Variants in RABGAP1L observed in about 807,000 individuals in gnomAD.
RABGAP1L encodes the protein RAB GTPase activating protein 1 like.
RABGAP1L carries 63 observed loss-of-function variants against 137.7 expected under a neutral mutation model. The ratio of observed to expected loss-of-function variants is 0.46; its 90% CI spans 0.37 to 0.56. The LOEUF (loss-of-function observed/expected upper bound fraction) is 0.56, where lower values mean the gene tolerates loss of function less well. Among genes scored for constraint, RABGAP1L ranks in the 20% least tolerant of loss-of-function variants. The pLI is 0.00. For missense variants in RABGAP1L, 1,095 were observed against 1,244.0 expected, an observed-to-expected ratio of 0.88 and a Z score of 1.80; for synonymous variants, 431 against 433.7, an observed-to-expected ratio of 0.99 and a Z score of 0.08.
At chr1:174,550,514 G>A (rs1019343296) in intron 13 of RABGAP1L, among the ~76,000 whole-genome samples, 2 of 152,064 alleles carry the variant, frequency 1.3e-5, no homozygotes, top group East Asian at 3.9e-4. Flanking sequence ...GACTACTCTT[G>A]TATGTTCTGC....
At chr1:174,386,373 C>G (rs1330035385) in intron 12 of RABGAP1L, among the ~76,000 whole-genome samples, 3 of 152,126 alleles carry the variant, frequency 2.0e-5, no homozygotes, top group Admixed American at 1.3e-4. Flanking sequence ...GTAACTTGCT[C>G]AAGATCTCAC....
intron 13 of RABGAP1L, among the ~76,000 whole-genome samples, chr1:174,557,215 G>T (rs993328178): frequency 1.8e-4 from 27 of 152,294 alleles, no homozygotes; most frequent in African/African-American, 6.0e-4. Flanking sequence ...GATTCCCCAT[G>T]AACTCTTCAG....
intron 19 of RABGAP1L, among the ~76,000 whole-genome samples, chr1:174,895,556 T>C (rs112239885): frequency 4.4e-4 from 67 of 152,278 alleles, no homozygotes; most frequent in African/African-American, 1.5e-3. Flanking sequence ...ACTTGTCGTT[T>C]ACATTAGGTA....
chr1:174,242,215 G>C (rs755265055), intron 5 of RABGAP1L, among the ~76,000 whole-genome samples: 1 of 152,146 alleles, frequency 6.6e-6, no homozygotes, highest in Non-Finnish European at 1.5e-5. Context: ...ACAACTTGTA[G>C]TCCTTTGAAA....
chr1:174,737,479 G>A (rs1428408791), intron 17 of RABGAP1L, among the ~76,000 whole-genome samples: 1 of 152,074 alleles, frequency 6.6e-6, no homozygotes, highest in Non-Finnish European at 1.5e-5. Flanking sequence ...CAGCATTGTG[G>A]CCACAATCAC....
At chr1:174,701,714 G>T (rs1372633843) in intron 16 of RABGAP1L, among the ~76,000 whole-genome samples, 2 of 147,318 alleles carry the variant, frequency 1.4e-5, no homozygotes, top group Non-Finnish European at 3.0e-5. Context: ...CTGTACTCCA[G>T]CCTGGATGAC....
At chr1:174,765,087 G>T (rs768325750) in intron 18 of RABGAP1L, among the ~76,000 whole-genome samples, 2 of 152,150 alleles carry the variant, frequency 1.3e-5, no homozygotes, top group African/African-American at 4.8e-5. Context: ...GGCTGCAACC[G>T]TAGGGCAGGA....
Position 174,978,979 on chromosome 1 carries a change from G to A in RABGAP1L, c.2733+89G>A, listed in dbSNP as rs180780731. 11 of 1,378,874 alleles carry A rather than the reference G, an allele frequency of 8.0e-6. No individual in the cohort carries two copies. The East Asian group carries it at 3.2e-4, about 40-fold the overall frequency. 85.4% of individuals were successfully genotyped at this position (1,378,874 alleles called of 1,614,324 possible). A position where few individuals can be genotyped will look rare whatever the true frequency, so the allele number is the denominator to read the frequency against. On this transcript the variant is annotated intron_variant, in intron 23 of 25. Coordinates refer to ENST00000681986, the MANE Select transcript of RABGAP1L (RefSeq NM_001366446.1). ...TTTTTGCTTGAGGCCAGGAGTTTGAGACTAGCCTGAGCAACATAGCAGGAC... is the reference window on the plus strand; with the variant it reads ...TTTTTGCTTGAGGCCAGGAGTTTGAAACTAGCCTGAGCAACATAGCAGGAC...
chr1:174,407,181 G>GC (rs1401132729), intron 13 of RABGAP1L, among the ~76,000 whole-genome samples: 9 of 152,018 alleles, frequency 5.9e-5, no homozygotes, highest in Admixed American at 5.9e-4. Flanking sequence ...CCTACCTCCT[G>GC]CCCCAACATG....
chr1:174,437,834 C>G (rs1352106717), intron 13 of RABGAP1L, among the ~76,000 whole-genome samples: 1 of 152,228 alleles, frequency 6.6e-6, no homozygotes, highest in East Asian at 1.9e-4. Context: ...GTCGGGTTAC[C>G]CACAAAGGGA....
chr1:174,715,576 C>T (rs974566734), intron 17 of RABGAP1L, among the ~76,000 whole-genome samples: 4 of 152,200 alleles, frequency 2.6e-5, no homozygotes, highest in Admixed American at 1.3e-4. Context: ...CAGACTGCAG[C>T]CCTTCACACC....
chr1:174,541,464 C>G (rs1665419606), intron 13 of RABGAP1L, among the ~76,000 whole-genome samples: 1 of 152,092 alleles, frequency 6.6e-6, no homozygotes, highest in Non-Finnish European at 1.5e-5. Context: ...AGATATGTCC[C>G]ATCAATACCT....
At chr1:174,300,538 A>AAAG (rs1677586117) in intron 10 of RABGAP1L, among the ~76,000 whole-genome samples, 2 of 151,592 alleles carry the variant, frequency 1.3e-5, no homozygotes, top group African/African-American at 2.4e-5. Flanking sequence ...TCAAAAAAAA[A>AAAG]AAAAAAAAAA....
chr1:174,702,359 TA>T, intron 17 of RABGAP1L, 103 bp downstream of exon 17: 1 of 960,346 alleles, frequency 1.0e-6, no homozygotes, highest in Non-Finnish European at 1.5e-6. Flanking sequence ...CATTAAGCCA[TA>T]AATACTCACT....
rs186422717 is a variant in RABGAP1L at position 174,604,260 on chromosome 1, C to G, written c.1711-33115C>G. Among the ~76,000 whole-genome samples the G allele has an allele frequency of 1.3e-4, 20 of 152,308 alleles. No homozygotes were observed. The East Asian group carries it at 3.1e-3, about 24-fold the overall frequency. On this transcript the variant is annotated intron_variant, in intron 13 of 25. Coordinates refer to ENST00000681986, the MANE Select transcript of RABGAP1L (RefSeq NM_001366446.1). ...TGATTCCCCTCTGGCTGTGACTGGT[C>G]TAAATGCTCCCTCCATTGGCACTGG...
rs547708165 is a variant in RABGAP1L, at chr1:174,548,233, A to C, written c.1711-89142A>C. 3.1e-5 allele frequency: 44 copies of C among 1,411,752 alleles called. No homozygotes were observed. In the Admixed American group the frequency reaches 1.0e-3, roughly 33 times the overall value. The allele number at this position is 1,411,752 out of a possible 1,614,324, so 87.5% of individuals were successfully genotyped here. A position where few individuals can be genotyped will look rare whatever the true frequency, so the allele number is the denominator to read the frequency against. ...AGAGAAAGCATAATCTACAGAATTG[A>C]AGCCAAGTAATCTAAGATTCTGTTT... On this transcript the variant is annotated intron_variant, in intron 13 of 25. Transcript: ENST00000681986.
At chr1:174,912,099 AT>A (rs770310741) in intron 19 of RABGAP1L, among the ~76,000 whole-genome samples, 15 of 151,976 alleles carry the variant, frequency 9.9e-5, no homozygotes, top group Middle Eastern at 6.8e-3. Flanking sequence ...CAGAAAAAAA[AT>A]ATATAGTCTT....
intron 13 of RABGAP1L, among the ~76,000 whole-genome samples, chr1:174,636,786 C>A (rs750106456): frequency 1.9e-4 from 29 of 152,054 alleles, no homozygotes; most frequent in Non-Finnish European, 3.1e-4. Context: ...GTACATTCAT[C>A]AAAATTGGAA....
chr1:174,986,904 G>C (rs1671636760), intron 24 of RABGAP1L, among the ~76,000 whole-genome samples: 1 of 152,156 alleles, frequency 6.6e-6, no homozygotes, highest in African/African-American at 2.4e-5. Flanking sequence ...AATCATTTAA[G>C]ACTCAGATCA....
Sources: gnomAD v4.1 joint callset for allele counts (sites outside exome capture counted in the v4.1 genomes callset) on GRCh38, gnomAD v4.1.1 for gene constraint, MANE v1.5 for transcripts, NCBI Gene and HGNC (gene_info 2026-07-23, HGNC 2026-07-21) for gene names.